Variants in ATP6V0E1 observed in about 807,000 individuals in gnomAD.
ATP6V0E1 encodes ATPase H+ transporting V0 subunit e1.
Under a neutral mutation model 11.6 loss-of-function variants are expected in ATP6V0E1, and 4 were observed. The observed-to-expected ratio is 0.35, with a 90% CI of 0.17 to 0.79. ATP6V0E1 has a LOEUF of 0.79. ATP6V0E1 is among the 30% of genes least tolerant of loss of function. The pLI, the probability that ATP6V0E1 is intolerant of heterozygous loss-of-function variation, is 0.54. For synonymous variants in ATP6V0E1, 36 were observed against 34.8 expected, an observed-to-expected ratio of 1.04 and a Z score of -0.13; for missense variants, 105 against 100.0, an observed-to-expected ratio of 1.05 and a Z score of -0.21.
At chr5:173,010,767 A>C (rs1292646675) in intron 2 of ATP6V0E1, among the ~76,000 whole-genome samples, 1 of 152,190 alleles carries the variant, frequency 6.6e-6, no homozygotes, top group Non-Finnish European at 1.5e-5. Flanking sequence ...TCCTGGCCAG[A>C]CTTCCCCATT....
At chr5:172,996,574 AATAC>A (rs534005934) in intron 2 of ATP6V0E1, among the ~76,000 whole-genome samples, 78 of 151,802 alleles carry the variant, frequency 5.1e-4, no homozygotes, top group Non-Finnish European at 3.8e-4. Flanking sequence ...AAAAAAAAAA[AATAC>A]ATACATACAT....
chr5:173,015,615 C>T (rs1215970741), intron 2 of ATP6V0E1, among the ~76,000 whole-genome samples: 1 of 152,172 alleles, frequency 6.6e-6, no homozygotes, highest in Non-Finnish European at 1.5e-5. Context: ...CTGAGAGGTT[C>T]AGGAAAGCTG....
At chr5:172,994,636 T>G (rs1756033357) in intron 1 of ATP6V0E1, 139 bp from the exon 2 acceptor site, 3 of 668,022 alleles carry the variant, frequency 4.5e-6, no homozygotes, top group Non-Finnish European at 5.0e-6. Flanking sequence ...TTGCTGGATA[T>G]TTGAGCAAAT....
intron 2 of ATP6V0E1, among the ~76,000 whole-genome samples, chr5:173,000,357 C>T (rs1378521530): frequency 6.6e-6 from 1 of 152,096 alleles, no homozygotes; most frequent in Non-Finnish European, 1.5e-5. Flanking sequence ...TGTTAAGTTA[C>T]TATACTATAT....
At chr5:173,006,143 G>GT (rs988189130) in intron 2 of ATP6V0E1, among the ~76,000 whole-genome samples, 3 of 151,440 alleles carry the variant, frequency 2.0e-5, no homozygotes, top group Non-Finnish European at 2.9e-5. Flanking sequence ...TTTTTTGTTT[G>GT]TTTTTTATCT....
chr5:173,031,836 A>AG (rs1470353695), intron 3 of ATP6V0E1, among the ~76,000 whole-genome samples: 1 of 150,866 alleles, frequency 6.6e-6, no homozygotes, highest in Non-Finnish European at 1.5e-5. Context: ...AAAAAAAAAA[A>AG]AAGCTTCCTT....
chr5:173,023,522 G>T lies in ATP6V0E1; in HGVS notation c.*36+3155G>T, dbSNP rs545711083. Among the ~76,000 whole-genome samples, 10 of 152,320 alleles carry T rather than the reference G, an allele frequency of 6.6e-5. No individual in the cohort carries two copies. In the East Asian group the frequency reaches 1.7e-3, roughly 26 times the overall value. On this transcript the variant is annotated intron_variant, in intron 3 of 3. Coordinates refer to ENST00000519374, the MANE Select transcript of ATP6V0E1 (RefSeq NM_003945.4). ...ATTTTTCAATTGTATTATTACCTCT[G>T]CATTTGATGAGCTGAAATGCTTCTA...
At chr5:173,007,652 C>G (rs1756247475) in intron 2 of ATP6V0E1, among the ~76,000 whole-genome samples, 1 of 152,124 alleles carries the variant, frequency 6.6e-6, no homozygotes, top group Admixed American at 6.5e-5. Context: ...AAAAGAGTTA[C>G]TAAAAGATAC....
At chr5:173,002,256 ATATCC>A (rs1348840361) in intron 2 of ATP6V0E1, among the ~76,000 whole-genome samples, 2 of 152,240 alleles carry the variant, frequency 1.3e-5, no homozygotes, top group African/African-American at 4.8e-5. Flanking sequence ...ATATCATCAA[ATATCC>A]TATCATATTT....
At chr5:173,016,961 G>A (rs1756409334) in intron 2 of ATP6V0E1, among the ~76,000 whole-genome samples, 1 of 152,068 alleles carries the variant, frequency 6.6e-6, no homozygotes, top group African/African-American at 2.4e-5. Flanking sequence ...CTTTCCTCAG[G>A]TGTCATGTTT....
At chr5:173,005,923 G>A (rs1756222390) in intron 2 of ATP6V0E1, among the ~76,000 whole-genome samples, 1 of 152,134 alleles carries the variant, frequency 6.6e-6, no homozygotes, top group Non-Finnish European at 1.5e-5. Flanking sequence ...TCTTCTTACT[G>A]TTAATTGATT....
intron 1 of ATP6V0E1, among the ~76,000 whole-genome samples, chr5:172,994,078 G>C (rs1480494809): frequency 2.6e-5 from 4 of 152,118 alleles, no homozygotes; most frequent in Non-Finnish European, 5.9e-5. Flanking sequence ...AGGAGAACTG[G>C]GTGAATTTTG....
intron 1 of ATP6V0E1, among the ~76,000 whole-genome samples, chr5:172,991,593 G>T (rs78823582): frequency 2.0e-5 from 3 of 152,100 alleles, no homozygotes; most frequent in Admixed American, 1.3e-4. Context: ...TTGCACGTAG[G>T]GGGAGGTGAG....
At chr5:172,989,202 T>C (rs1322627514) in intron 1 of ATP6V0E1, among the ~76,000 whole-genome samples, 1 of 152,068 alleles carries the variant, frequency 6.6e-6, no homozygotes, top group African/African-American at 2.4e-5. Context: ...TACCTAGGCA[T>C]GGTGGTGTAG....
At chr5:172,998,628 AAG>A (rs1191992117) in intron 2 of ATP6V0E1, among the ~76,000 whole-genome samples, 2 of 147,218 alleles carry the variant, frequency 1.4e-5, no homozygotes, top group African/African-American at 5.3e-5. Context: ...AAAAAAAAAA[AAG>A]AGTAAATGAG....
intron 3 of ATP6V0E1, among the ~76,000 whole-genome samples, chr5:173,026,449 C>G (rs1199765610): frequency 6.6e-6 from 1 of 152,226 alleles, no homozygotes; most frequent in East Asian, 1.9e-4. Flanking sequence ...AAATTATGAA[C>G]AAGATATATT....
chr5:172,999,486 G>A (rs1350104149), intron 2 of ATP6V0E1, among the ~76,000 whole-genome samples: 1 of 152,042 alleles, frequency 6.6e-6, no homozygotes, highest in Non-Finnish European at 1.5e-5. Flanking sequence ...ACCACACCTG[G>A]CTAATTTTTT....
intron 2 of ATP6V0E1, among the ~76,000 whole-genome samples, chr5:172,998,224 A>G (rs1756097454): frequency 8.4e-6 from 1 of 119,180 alleles, no homozygotes; most frequent in Admixed American, 9.5e-5. Context: ...TTAGAGTGTT[A>G]AAAGAAGCTT....
intron 3 of ATP6V0E1, chr5:173,021,072 G>A (rs992279110): frequency 6.1e-5 from 23 of 375,402 alleles, no homozygotes; most frequent in Non-Finnish European, 1.1e-4. Flanking sequence ...CATGACACCC[G>A]TATCTGTTTG....
Sources: gnomAD v4.1 joint callset for allele counts (sites outside exome capture counted in the v4.1 genomes callset) on GRCh38, gnomAD v4.1.1 for gene constraint, MANE v1.5 for transcripts, NCBI Gene and HGNC (gene_info 2026-07-23, HGNC 2026-07-21) for gene names.